Variants in EXD1 observed in about 807,000 individuals in gnomAD.
EXD1 encodes exonuclease 3'-5' domain containing 1, also known as piRNA biogenesis protein EXD1.
In EXD1, 63 loss-of-function variants were observed where a neutral mutation model predicts 49.1. The observed-to-expected ratio is 1.28, with a 90% CI of 1.05 to 1.58. EXD1 has a LOEUF of 1.58. Ranked by LOEUF, EXD1 falls within the 40% of genes most tolerant of loss-of-function variation. The pLI is 0.00. For missense variants in EXD1, 748 were observed against 666.0 expected (o/e 1.12, Z -1.36); for synonymous variants, 234 against 239.2 (o/e 0.98, Z 0.20).
At chr15:41,199,962 G>A (rs1248307942) in intron 7 of EXD1, among the ~76,000 whole-genome samples, 1 of 150,086 alleles carries the variant, frequency 6.7e-6, no homozygotes, top group Non-Finnish European at 1.5e-5. Flanking sequence ...GGAGTACAGT[G>A]GCACCATATC....
intron 9 of EXD1, among the ~76,000 whole-genome samples, 155 bp downstream of exon 9, chr15:41,195,620 T>C (rs1236379514): frequency 5.3e-5 from 8 of 151,788 alleles, no homozygotes; most frequent in Non-Finnish European, 1.2e-4. Context: ...TTCTCACATA[T>C]TGTACAAACA....
intron 2 of EXD1, among the ~76,000 whole-genome samples, chr15:41,222,908 C>T (rs2047110793): frequency 1.5e-5 from 2 of 133,818 alleles, no homozygotes; most frequent in Admixed American, 8.8e-5. Flanking sequence ...TGCACTCCAG[C>T]GTGAGGACAG....
intron 3 of EXD1, chr15:41,219,351 T>A (rs1381060814): frequency 6.6e-6 from 1 of 152,300 alleles, no homozygotes; most frequent in African/African-American, 2.4e-5. Flanking sequence ...TTATTCCACT[T>A]AGTATGACTG....
rs1267578001 is a variant in EXD1 at position 41,209,602 on chromosome 15, A to T, written c.448-15T>A. 6.2e-7 allele frequency: 1 copy of T among 1,610,540 alleles called. No homozygotes were observed. Among genetic ancestry groups the T allele is most frequent in the African/African-American group, 1.3e-5 (1 of 74,954 alleles). ...ATATGGAGTATCTGGTAAGAAAAAGAAGGAAAGGAAAAACTTTCAGGGAAT... is the reference window on the plus strand; with the variant it reads ...ATATGGAGTATCTGGTAAGAAAAAGTAGGAAAGGAAAAACTTTCAGGGAAT... On this transcript the variant is annotated splice_polypyrimidine_tract_variant and intron_variant, in intron 6 of 11. Coordinates refer to ENST00000458580, the MANE Select transcript of EXD1 (RefSeq NM_001286441.2).
Position 41,209,541 on chromosome 15 carries a change from CCTT to C in EXD1, c.491_493del (p.Glu164del), listed in dbSNP as rs772638562. 1 of 1,614,192 alleles carries C rather than the reference CCTT, an allele frequency of 6.2e-7. No individual in the cohort carries two copies. On this transcript the variant is annotated inframe_deletion, in exon 7 of 12. Transcript: ENST00000458580. ...TTTGCCATGGCGACATACATTCGCT[CCTT>C]CTGCTGCCACACTCAGGACATTCTG...
At chr15:41,188,426 C>A (rs2140804419) in intron 11 of EXD1, among the ~76,000 whole-genome samples, 1 of 150,794 alleles carries the variant, frequency 6.6e-6, no homozygotes, top group Admixed American at 6.7e-5. Flanking sequence ...AGAGTTTCTG[C>A]TGGTCACCCA....
In EXD1 at chr15:41,183,896, C is replaced by A; in HGVS notation, c.*35G>T. On this transcript the variant is annotated 3_prime_UTR_variant, in exon 12 of 12. Transcript: ENST00000458580. ...AAGCCCTGATGGCAAAGGAAATAAG[C>A]CATCTGTATGGCCTTAAGAACAAAC... 6 of 1,529,680 alleles carry A rather than the reference C, an allele frequency of 3.9e-6. No homozygotes were observed. The highest frequency in any genetic ancestry group is 5.3e-6 in the Non-Finnish European group (6 of 1,141,044). The allele number at this position is 1,529,680 out of a possible 1,614,324, so 94.8% of individuals were successfully genotyped here.
At chr15:41,195,211 A>T (rs951844538) in intron 9 of EXD1, among the ~76,000 whole-genome samples, 1 of 150,148 alleles carries the variant, frequency 6.7e-6, no homozygotes, top group Non-Finnish European at 1.5e-5. Flanking sequence ...ACACAGTAAG[A>T]CTCCACTTCT....
chr15:41,196,884 G>A (rs764418490), intron 7 of EXD1, among the ~76,000 whole-genome samples: 3 of 152,020 alleles, frequency 2.0e-5, no homozygotes, highest in Non-Finnish European at 4.4e-5. Flanking sequence ...GGACAACAGT[G>A]GCTTTATCTT....
rs776072903 is a variant in EXD1 at position 41,191,516 on chromosome 15, C to T, written c.790G>A (p.Glu264Lys). 1.2e-6 allele frequency: 2 copies of T among 1,613,746 alleles called. No individual in the cohort carries two copies. The highest frequency in any genetic ancestry group is 2.2e-5 in the East Asian group (1 of 44,882). Residue 264 changes from glutamate to lysine, a missense_variant, in exon 10 of 12, where the codon GAG becomes AAG. Transcript: ENST00000458580. The part of the protein sequence containing the change: ...YLPNCITTLQ[E>K]SLIKHLQVAP... Reference sequence around the variant, plus strand: ...ACTTGAAGGTGTTTGATTAAACTCTCCTGCAAAGTAGTGATGCAGTTTGGA... The same window carrying T: ...ACTTGAAGGTGTTTGATTAAACTCTTCTGCAAAGTAGTGATGCAGTTTGGA...
intron 7 of EXD1, among the ~76,000 whole-genome samples, chr15:41,206,407 T>C (rs1285244764): frequency 1.4e-5 from 2 of 142,066 alleles, no homozygotes; most frequent in Admixed American, 7.7e-5. Flanking sequence ...GAGGCAGAGA[T>C]GCAGTACAGT....
At chr15:41,216,449 T>C (rs2046999845) in intron 5 of EXD1, among the ~76,000 whole-genome samples, 1 of 151,908 alleles carries the variant, frequency 6.6e-6, no homozygotes, top group African/African-American at 2.4e-5. Flanking sequence ...CTGATCAACA[T>C]GGAGAAACCC....
At chr15:41,202,802 C>T (rs1343043930) in intron 7 of EXD1, among the ~76,000 whole-genome samples, 1 of 151,780 alleles carries the variant, frequency 6.6e-6, no homozygotes, top group Non-Finnish European at 1.5e-5. Context: ...CCTGTAGCCC[C>T]AGCTACTGAG....
chr15:41,196,732 ATTT>A (rs1433109880), intron 7 of EXD1, among the ~76,000 whole-genome samples: 3 of 149,444 alleles, frequency 2.0e-5, no homozygotes, highest in Non-Finnish European at 4.4e-5. Context: ...CACCTGGCCA[ATTT>A]TTTTTATTTT....
At chr15:41,194,060 G>T (rs1198221696) in intron 9 of EXD1, among the ~76,000 whole-genome samples, 1 of 140,146 alleles carries the variant, frequency 7.1e-6, no homozygotes, top group Admixed American at 7.8e-5. Flanking sequence ...CTCCCAGGCT[G>T]GAGTGCAGTG....
chr15:41,194,588 A>T (rs942283145), intron 9 of EXD1, among the ~76,000 whole-genome samples: 3 of 152,184 alleles, frequency 2.0e-5, no homozygotes, highest in African/African-American at 7.2e-5. Context: ...TAAAATAATA[A>T]ATTTGCATTG....
chr15:41,229,151 T>C (rs2047200442), intron 1 of EXD1, among the ~76,000 whole-genome samples: 1 of 152,096 alleles, frequency 6.6e-6, no homozygotes, highest in Admixed American at 6.6e-5. Flanking sequence ...AAGGACAACA[T>C]CACTAGGTTA....
At chr15:41,228,633 A>G (rs2140912520) in intron 1 of EXD1, among the ~76,000 whole-genome samples, 1 of 152,330 alleles carries the variant, frequency 6.6e-6, no homozygotes, top group South Asian at 2.1e-4. Context: ...AACAGGCAAA[A>G]GGAGAATTTT....
chr15:41,212,108 T>C (rs986936666), intron 6 of EXD1, among the ~76,000 whole-genome samples: 1 of 152,002 alleles, frequency 6.6e-6, no homozygotes, highest in Non-Finnish European at 1.5e-5. Flanking sequence ...TCATACCCAC[T>C]AGGATGGCTA....
Sources: allele counts gnomAD v4.1 joint callset (sites outside exome capture counted in the v4.1 genomes callset), GRCh38; gene constraint gnomAD v4.1.1; transcripts MANE v1.5; gene names NCBI Gene and HGNC (gene_info 2026-07-23, HGNC 2026-07-21).